Variants in NFATC1 observed in about 807,000 individuals in gnomAD.
NFATC1 encodes the protein nuclear factor of activated T-cells, cytoplasmic 1.
NFATC1 carries 22 observed loss-of-function variants against 76.0 expected under a neutral mutation model. The observed-to-expected ratio is 0.29, with a 90% CI of 0.21 to 0.41. The LOEUF (loss-of-function observed/expected upper bound fraction) is 0.41, where lower values mean the gene tolerates loss of function less well. NFATC1 is among the 10% of genes least tolerant of loss of function. The pLI is 1.00. For synonymous variants in NFATC1, 704 were observed against 613.1 expected, an observed-to-expected ratio of 1.15 and a Z score of -2.19; for missense variants, 1,357 against 1,337.7, an observed-to-expected ratio of 1.01 and a Z score of -0.23.
intron 9 of NFATC1, among the ~76,000 whole-genome samples, chr18:79,499,202 A>C (rs543162679): frequency 1.3e-5 from 2 of 152,256 alleles, no homozygotes; most frequent in Non-Finnish European, 2.9e-5. Context: ...CAGTAGCACA[A>C]AGGAAGGGGT....
At chr18:79,409,804 C>T (rs973019475) in intron 1 of NFATC1, among the ~76,000 whole-genome samples, 5 of 152,206 alleles carry the variant, frequency 3.3e-5, no homozygotes, top group Admixed American at 2.6e-4. Context: ...TAGACTAAGG[C>T]GTCCAGATGT....
chr18:79,462,962 G>A (rs1212832686), intron 7 of NFATC1, among the ~76,000 whole-genome samples: 3 of 152,222 alleles, frequency 2.0e-5, no homozygotes, highest in African/African-American at 7.2e-5. Context: ...GTCGTCTCCT[G>A]TTGGTGGGAC....
intron 2 of NFATC1, among the ~76,000 whole-genome samples, chr18:79,425,114 T>C (rs1404160547): frequency 1.3e-5 from 2 of 151,004 alleles, no homozygotes; most frequent in African/African-American, 2.5e-5. Flanking sequence ...TCTGTCTCTG[T>C]CGCTCTGTCT....
At chr18:79,508,385 G>T (rs1413737313) in intron 9 of NFATC1, among the ~76,000 whole-genome samples, 2 of 152,242 alleles carry the variant, frequency 1.3e-5, no homozygotes, top group Non-Finnish European at 2.9e-5. Context: ...GCGTGCGTGT[G>T]AGGGTTGGGT....
intron 9 of NFATC1, among the ~76,000 whole-genome samples, chr18:79,502,355 C>A (rs1391959470): frequency 6.6e-6 from 1 of 152,096 alleles, no homozygotes; most frequent in Non-Finnish European, 1.5e-5. Flanking sequence ...TAGTAGGAGC[C>A]AAAATAGTCA....
At chr18:79,467,219 C>T (rs943064557) in intron 7 of NFATC1, among the ~76,000 whole-genome samples, 1 of 152,212 alleles carries the variant, frequency 6.6e-6, no homozygotes, top group Non-Finnish European at 1.5e-5. Context: ...CACAGAGCAT[C>T]CAGGGCTGTC....
intron 2 of NFATC1, among the ~76,000 whole-genome samples, chr18:79,415,862 G>T (rs1010401594): frequency 2.6e-5 from 4 of 152,064 alleles, no homozygotes; most frequent in African/African-American, 9.7e-5. Flanking sequence ...AGGAGTTCAA[G>T]ACCAGCCTGG....
chr18:79,504,152 TTCTG>T (rs771790609), intron 9 of NFATC1, among the ~76,000 whole-genome samples: 3 of 151,446 alleles, frequency 2.0e-5, no homozygotes, highest in Non-Finnish European at 4.4e-5. Flanking sequence ...CGGTTTTCAC[TTCTG>T]TCTGTCTAGA....
intron 8 of NFATC1, among the ~76,000 whole-genome samples, chr18:79,478,675 G>A (rs904317080): frequency 2.6e-5 from 4 of 152,208 alleles, no homozygotes; most frequent in Admixed American, 6.5e-5. Context: ...TGGAGGAGAG[G>A]CTTGCCCAGC....
intron 9 of NFATC1, among the ~76,000 whole-genome samples, chr18:79,491,675 G>C (rs568436494): frequency 6.6e-6 from 1 of 152,222 alleles, no homozygotes; most frequent in African/African-American, 2.4e-5. Flanking sequence ...CGTTCCGCTG[G>C]CCTGGCCGCC....
At chr18:79,436,568 G>A (rs1384162147) in intron 3 of NFATC1, among the ~76,000 whole-genome samples, 4 of 152,196 alleles carry the variant, frequency 2.6e-5, no homozygotes, top group Non-Finnish European at 4.4e-5. Context: ...CGCTGTCTCC[G>A]TCCTCCCCAT....
chr18:79,450,721 G>T (rs1459308358), intron 4 of NFATC1, among the ~76,000 whole-genome samples: 1 of 152,212 alleles, frequency 6.6e-6, no homozygotes, highest in Non-Finnish European at 1.5e-5. Context: ...TTTTCTCGGG[G>T]CTGCCTCTGC....
chr18:79,476,691 C>G lies in NFATC1; in HGVS notation c.2092+9109C>G, dbSNP rs2089086705. Among the ~76,000 whole-genome samples the G allele has an allele frequency of 4.6e-5, 7 of 152,326 alleles. No individual in the cohort carries two copies. In the South Asian group the frequency reaches 1.0e-3, roughly 23 times the overall value. ...CTGAGGGAAAGGGAATTCTCTCACC[C>G]CGACCGACACACAGGATGGGTGTGG... On this transcript the variant is annotated intron_variant, in intron 8 of 9. Coordinates refer to ENST00000427363, the MANE Select transcript of NFATC1 (RefSeq NM_001278669.2).
chr18:79,438,727 C>A (rs567098054), intron 3 of NFATC1, among the ~76,000 whole-genome samples: 2 of 152,098 alleles, frequency 1.3e-5, no homozygotes, highest in Admixed American at 6.5e-5. Flanking sequence ...GAGGGGCGGG[C>A]GGGTCAGGCG....
chr18:79,412,908 G>T (rs939625916), intron 2 of NFATC1, among the ~76,000 whole-genome samples: 6 of 152,188 alleles, frequency 3.9e-5, no homozygotes, highest in Admixed American at 6.5e-5. Flanking sequence ...ATACATTAAG[G>T]TTTAAAAGGC....
Position 79,402,624 on chromosome 18 carries a change from C to T in NFATC1, c.127+6273C>T, listed in dbSNP as rs181169626. Among the ~76,000 whole-genome samples, 64 of 152,272 alleles carry T rather than the reference C, an allele frequency of 4.2e-4. 1 individual carries two copies. In the Middle Eastern group the frequency reaches 0.01, roughly 24 times the overall value. On this transcript the variant is annotated intron_variant, in intron 1 of 9. Transcript: ENST00000427363. ...TTTTGGGCTTTAGGAGTTGGGGCTC[C>T]GAGCAGGAGAGGCGAGAGCTGAGAA... is the stretch of plus-strand genomic sequence containing the variant.
intron 2 of NFATC1, among the ~76,000 whole-genome samples, chr18:79,416,212 A>T (rs1343532493): frequency 6.6e-6 from 1 of 152,272 alleles, no homozygotes; most frequent in African/African-American, 2.4e-5. Flanking sequence ...TTCATAAGTT[A>T]TCTGAAAGTT....
At chr18:79,517,161 A>C (rs975914062) in intron 9 of NFATC1, among the ~76,000 whole-genome samples, 6 of 152,268 alleles carry the variant, frequency 3.9e-5, no homozygotes, top group Non-Finnish European at 7.3e-5. Context: ...TTATTTAAGA[A>C]TAGGATTTGG....
At chr18:79,435,474 G>A (rs1279162960) in intron 3 of NFATC1, among the ~76,000 whole-genome samples, 4 of 151,564 alleles carry the variant, frequency 2.6e-5, no homozygotes, top group African/African-American at 7.3e-5. Context: ...TCAGCCTCCC[G>A]AGTAGCTGGG....
Sources: gnomAD v4.1 joint callset for allele counts (sites outside exome capture counted in the v4.1 genomes callset) on GRCh38, gnomAD v4.1.1 for gene constraint, MANE v1.5 for transcripts, NCBI Gene and HGNC (gene_info 2026-07-23, HGNC 2026-07-21) for gene names.